The following PCDH15 variants were observed in gnomAD, a reference collection of about 807,000 sequenced individuals.
The protein encoded by PCDH15 is protocadherin related 15.
PCDH15 carries 129 observed loss-of-function variants against 178.5 expected under a neutral mutation model. That is an observed-to-expected ratio of 0.72 (90% CI 0.63 to 0.84). The LOEUF (loss-of-function observed/expected upper bound fraction) is 0.84. PCDH15 is among the 40% of genes least tolerant of loss of function. The probability of loss-of-function intolerance (pLI) is 0.00; values close to 1 mark genes in which losing one functional copy is unlikely to be tolerated. For missense variants in PCDH15, 2,230 were observed against 2,099.9 expected, an observed-to-expected ratio of 1.06 and a Z score of -1.21; for synonymous variants, 800 against 732.0, an observed-to-expected ratio of 1.09 and a Z score of -1.50.
chr10:54,281,190 C>A (rs979678836), intron 8 of PCDH15, among the ~76,000 whole-genome samples: 7 of 151,746 alleles, frequency 4.6e-5, no homozygotes, highest in Non-Finnish European at 8.8e-5. Context: ...AAACTGTTCC[C>A]AACTTGGGGA....
At position 53,807,133 on chromosome 10, in the gene PCDH15, G is replaced by GATAAA. The variant is rs528346155; in HGVS notation, c.4672-8_4672-4dup. On this transcript the variant is annotated splice_polypyrimidine_tract_variant and splice_region_variant and intron_variant, in intron 37 of 37. Coordinates refer to ENST00000644397, the MANE Select transcript of PCDH15 (RefSeq NM_001384140.1). ...TTGATCATTCTTTTTCTTGCCCACT[G>GATAAA]ATAAAATAAACAAAAATATGTGAGT... The GATAAA allele has an allele frequency of 4.7e-5, 74 of 1,575,300 alleles. No individual in the cohort carries two copies. In the South Asian group the frequency reaches 8.0e-4, roughly 17 times the overall value.
chr10:55,339,800 G>A (rs112902499), intron 2 of PCDH15, among the ~76,000 whole-genome samples: 2,175 of 152,072 alleles, frequency 0.014, 61 homozygotes, highest in African/African-American at 0.049. Context: ...AAACACTTGA[G>A]TACATGGAAA....
At chr10:53,936,642 T>G (rs1459453398) in intron 25 of PCDH15, among the ~76,000 whole-genome samples, 1 of 152,166 alleles carries the variant, frequency 6.6e-6, no homozygotes, top group Non-Finnish European at 1.5e-5. Flanking sequence ...AGCTCTAAAA[T>G]TTTACATTTT....
chr10:55,345,051 T>A (rs1267006609), intron 2 of PCDH15, among the ~76,000 whole-genome samples: 1 of 151,984 alleles, frequency 6.6e-6, no homozygotes, highest in East Asian at 1.9e-4. Flanking sequence ...TAGAGATTAT[T>A]TAAGAAGTCT....
intron 2 of PCDH15, among the ~76,000 whole-genome samples, chr10:54,912,819 G>T (rs895929762): frequency 6.6e-6 from 1 of 152,148 alleles, no homozygotes; most frequent in Non-Finnish European, 1.5e-5. Flanking sequence ...TGACCAAAAT[G>T]CTGAATGGAA....
chr10:54,956,142 T>C (rs544047127), intron 2 of PCDH15, among the ~76,000 whole-genome samples: 10 of 151,322 alleles, frequency 6.6e-5, no homozygotes, highest in Non-Finnish European at 1.3e-4. Context: ...CCAGTATTGA[T>C]TGACAGGCCA....
chr10:55,588,571 G>A (rs1564468732), intron 2 of PCDH15, among the ~76,000 whole-genome samples: 1 of 151,966 alleles, frequency 6.6e-6, no homozygotes, highest in Middle Eastern at 3.2e-3. Flanking sequence ...TTATTAAGAT[G>A]GGAGTCATAA....
chr10:55,197,469 T>C (rs906596078), intron 1 of PCDH15, among the ~76,000 whole-genome samples: 6 of 152,088 alleles, frequency 3.9e-5, no homozygotes, highest in African/African-American at 1.4e-4. Context: ...TTGAATAAGA[T>C]GGTTGTCGAT....
chr10:55,500,302 G>A (rs561908219), intron 2 of PCDH15, among the ~76,000 whole-genome samples: 2 of 151,722 alleles, frequency 1.3e-5, no homozygotes, highest in Non-Finnish European at 2.9e-5. Flanking sequence ...ATTTAAATAT[G>A]AAGGACTAAG....
At chr10:54,206,122 T>C (rs1024536617) in intron 10 of PCDH15, among the ~76,000 whole-genome samples, 15 of 152,138 alleles carry the variant, frequency 9.9e-5, no homozygotes, top group Non-Finnish European at 2.2e-4. Context: ...AATATGCCCA[T>C]TCTGTTTATA....
At chr10:54,999,699 A>G (rs1368666480) in intron 2 of PCDH15, among the ~76,000 whole-genome samples, 3 of 152,178 alleles carry the variant, frequency 2.0e-5, no homozygotes, top group African/African-American at 7.2e-5. Flanking sequence ...GGGTTGAGCG[A>G]TATCGGGGAA....
intron 8 of PCDH15, among the ~76,000 whole-genome samples, chr10:54,244,801 A>G (rs2055760153): frequency 1.3e-5 from 2 of 152,198 alleles, no homozygotes; most frequent in African/African-American, 4.8e-5. Flanking sequence ...AACGATTTTG[A>G]CAAGCATGAC....
At chr10:55,490,569 G>C (rs1840389247) in intron 2 of PCDH15, among the ~76,000 whole-genome samples, 1 of 151,744 alleles carries the variant, frequency 6.6e-6, no homozygotes, top group African/African-American at 2.4e-5. Flanking sequence ...TATTTGTAGT[G>C]GAGCTACTTA....
chr10:54,816,252 A>G (rs1952948957), intron 3 of PCDH15, among the ~76,000 whole-genome samples: 1 of 152,104 alleles, frequency 6.6e-6, no homozygotes, highest in South Asian at 2.1e-4. Flanking sequence ...TGGATGCAAG[A>G]GCCAGGGTTT....
chr10:54,548,242 T>C (rs191366233), intron 2 of PCDH15, among the ~76,000 whole-genome samples: 3 of 148,124 alleles, frequency 2.0e-5, no homozygotes, highest in African/African-American at 7.3e-5. Flanking sequence ...TCACATGTTT[T>C]TTAATGTGGC....
intron 9 of PCDH15, among the ~76,000 whole-genome samples, chr10:54,233,192 T>G (rs186386605): frequency 6.6e-6 from 1 of 152,198 alleles, no homozygotes; most frequent in Non-Finnish European, 1.5e-5. Context: ...AATCCAACTG[T>G]CTCGGCCTCC....
chr10:53,946,593 A>G lies in PCDH15; in HGVS notation c.3123-5618T>C, dbSNP rs73248542. Among the ~76,000 whole-genome samples, 866 of 152,242 alleles carry G rather than the reference A, an allele frequency of 5.7e-3. 9 individuals are homozygous for G. Among genetic ancestry groups the G allele is most frequent in the African/African-American group, 0.019 (808 of 41,538 alleles). On this transcript the variant is annotated intron_variant, in intron 23 of 37. Transcript: ENST00000644397. ...TTTCACTTTATTGCTGAATAATATT[A>G]CAATGTATTGGATGTATCACAAATA...
intron 1 of PCDH15, among the ~76,000 whole-genome samples, chr10:55,195,365 G>A (rs1249222181): frequency 5.3e-5 from 8 of 151,484 alleles, no homozygotes; most frequent in African/African-American, 1.9e-4. Flanking sequence ...AGTAGAAGCC[G>A]GGCGCTGTGA....
intron 28 of PCDH15, among the ~76,000 whole-genome samples, chr10:53,849,775 G>T (rs2078223501): frequency 7.0e-6 from 1 of 143,062 alleles, no homozygotes. Context: ...GAGGCAGAAT[G>T]ACATGAACCC....
Sources: gnomAD v4.1 joint callset for allele counts (sites outside exome capture counted in the v4.1 genomes callset) on GRCh38, gnomAD v4.1.1 for gene constraint, MANE v1.5 for transcripts, NCBI Gene and HGNC (gene_info 2026-07-23, HGNC 2026-07-21) for gene names.